Variants in NTNG1 observed in about 807,000 individuals in gnomAD.
The protein encoded by NTNG1 is netrin G1, also known as netrin-G1.
NTNG1 carries 16 observed loss-of-function variants against 54.0 expected under a neutral mutation model. The observed-to-expected ratio is 0.30, with a 90% confidence interval of 0.20 to 0.45. The LOEUF is 0.45. Ranked by LOEUF, NTNG1 falls within the 20% of genes least tolerant of loss-of-function variation. The pLI is 1.00. For synonymous variants in NTNG1, 255 were observed against 263.1 expected, an observed-to-expected ratio of 0.97 and a Z score of 0.30; for missense variants, 530 against 678.7, an observed-to-expected ratio of 0.78 and a Z score of 2.43.
intron 7 of NTNG1, among the ~76,000 whole-genome samples, chr1:107,439,848 A>T (rs1444057299): frequency 6.6e-6 from 1 of 151,922 alleles, no homozygotes; most frequent in Admixed American, 6.6e-5. Context: ...CATTCTGATT[A>T]GTTGGTGCTG....
intron 7 of NTNG1, among the ~76,000 whole-genome samples, chr1:107,466,263 G>T (rs564727528): frequency 6.6e-6 from 1 of 152,280 alleles, no homozygotes; most frequent in African/African-American, 2.4e-5. Flanking sequence ...ATTTAATTTA[G>T]GGGATATAAA....
In NTNG1 at chr1:107,320,562, C is replaced by T. The variant is rs186841082; in HGVS notation, c.247-3720C>T. On this transcript the variant is annotated intron_variant, in intron 2 of 7. Coordinates refer to ENST00000370068, the MANE Select transcript of NTNG1 (RefSeq NM_001113226.3). ...TCTGTAATAACAGTATTACAGATCA[C>T]GCCCTGTGAAATATTTACACTAAAT... Among the ~76,000 whole-genome samples, 270 of 151,890 alleles carry T rather than the reference C, an allele frequency of 1.8e-3. 1 individual carries two copies. The highest frequency in any genetic ancestry group is 6.3e-3 in the African/African-American group (259 of 41,432).
At chr1:107,174,951 A>G (rs535685620) in intron 2 of NTNG1, among the ~76,000 whole-genome samples, 2 of 152,122 alleles carry the variant, frequency 1.3e-5, no homozygotes, top group Non-Finnish European at 2.9e-5. Context: ...CTGACTTACC[A>G]TGGTTTTCGT....
chr1:107,367,860 C>G (rs1437394420), intron 3 of NTNG1, among the ~76,000 whole-genome samples: 1 of 152,080 alleles, frequency 6.6e-6, no homozygotes, highest in Non-Finnish European at 1.5e-5. Flanking sequence ...CTCCCTGGTT[C>G]AAGCGATTCT....
intron 7 of NTNG1, among the ~76,000 whole-genome samples, chr1:107,463,519 T>C (rs1273372795): frequency 6.6e-6 from 1 of 152,068 alleles, no homozygotes; most frequent in Non-Finnish European, 1.5e-5. Flanking sequence ...CACAATTTCA[T>C]TCCATAATAA....
chr1:107,293,807 G>A (rs1665775793), intron 2 of NTNG1, among the ~76,000 whole-genome samples: 1 of 152,138 alleles, frequency 6.6e-6, no homozygotes, highest in Non-Finnish European at 1.5e-5. Context: ...TCTATAAAAG[G>A]ATGGCTATAA....
At chr1:107,308,836 A>T (rs1012011926) in intron 2 of NTNG1, among the ~76,000 whole-genome samples, 16 of 151,886 alleles carry the variant, frequency 1.1e-4, no homozygotes, top group Admixed American at 2.6e-4. Context: ...CATTGTTGAG[A>T]TCCTTCACCT....
intron 3 of NTNG1, among the ~76,000 whole-genome samples, chr1:107,341,973 T>C (rs1668923285): frequency 6.6e-6 from 1 of 151,872 alleles, no homozygotes; most frequent in Non-Finnish European, 1.5e-5. Context: ...AGGAAAAAAA[T>C]ATGTGAGTGC....
At chr1:107,224,943 T>C (rs1187474626) in intron 2 of NTNG1, among the ~76,000 whole-genome samples, 1 of 152,170 alleles carries the variant, frequency 6.6e-6, no homozygotes, top group Non-Finnish European at 1.5e-5. Flanking sequence ...TGTATAAAAG[T>C]CACTTCCTTT....
intron 2 of NTNG1, among the ~76,000 whole-genome samples, chr1:107,285,134 T>C (rs17508691): frequency 6.6e-6 from 1 of 152,098 alleles, no homozygotes; most frequent in African/African-American, 2.4e-5. Context: ...TAAACTCAGA[T>C]ACAACTTTGC....
At chr1:107,202,506 T>G (rs1658834447) in intron 2 of NTNG1, among the ~76,000 whole-genome samples, 2 of 151,822 alleles carry the variant, frequency 1.3e-5, no homozygotes, top group Non-Finnish European at 3.0e-5. Flanking sequence ...TTTACCTTGT[T>G]TTCTAAGACC....
chr1:107,288,227 A>T (rs1244445733), intron 2 of NTNG1, among the ~76,000 whole-genome samples: 1 of 152,178 alleles, frequency 6.6e-6, no homozygotes, highest in African/African-American at 2.4e-5. Context: ...TGATTTCAAA[A>T]ATGTGAACAT....
Position 107,481,444 on chromosome 1 carries a change from C to G in NTNG1, c.*604C>G, listed in dbSNP as rs914900579. On this transcript the variant is annotated 3_prime_UTR_variant, in exon 8 of 8. Transcript: ENST00000370068. ...CTCTAAAAGCGCAAGCCAGTCATAC[C>G]CCTGTATATCTTAGCAGCACTGAGT... 6.5e-6 allele frequency: 1 copy of G among 152,944 alleles called. No individual in the cohort carries two copies. The highest frequency in any genetic ancestry group is 2.4e-5 in the African/African-American group (1 of 41,428). 9.5% of individuals were successfully genotyped at this position (152,944 alleles called of 1,614,324 possible).
At chr1:107,159,824 T>A (rs760918102) in intron 2 of NTNG1, among the ~76,000 whole-genome samples, 19 of 152,342 alleles carry the variant, frequency 1.2e-4, no homozygotes, top group Non-Finnish European at 2.1e-4. Flanking sequence ...AAATACATAT[T>A]ACGTGATGAG....
At position 107,482,346 on chromosome 1, in the gene NTNG1, T is replaced by G. The variant is rs1006950918; in HGVS notation, c.*1506T>G. On this transcript the variant is annotated 3_prime_UTR_variant, in exon 8 of 8. Transcript: ENST00000370068. ...AGTATTTAGAGGAAATATCAAAATA[T>G]AAAGCAGCAAGTAGACATAACTGCT... The G allele has an allele frequency of 1.3e-5, 2 of 152,232 alleles. No homozygotes were observed. Among genetic ancestry groups the G allele is most frequent in the Non-Finnish European group, 2.9e-5 (2 of 68,042 alleles). The allele number at this position is 152,232 out of a possible 1,614,324, so 9.4% of individuals were successfully genotyped here. A position where few individuals can be genotyped will look rare whatever the true frequency, so the allele number is the denominator to read the frequency against.
intron 2 of NTNG1, among the ~76,000 whole-genome samples, chr1:107,235,017 A>G (rs1414316214): frequency 6.6e-6 from 1 of 152,224 alleles, no homozygotes; most frequent in East Asian, 1.9e-4. Flanking sequence ...GACCCAATGT[A>G]ATGCAATGTC....
At chr1:107,174,544 C>A (rs1316744912) in intron 2 of NTNG1, among the ~76,000 whole-genome samples, 1 of 151,914 alleles carries the variant, frequency 6.6e-6, no homozygotes, top group Non-Finnish European at 1.5e-5. Flanking sequence ...TGCTGCCCAC[C>A]AAGACTTCCA....
At chr1:107,392,633 G>A (rs952117495) in intron 3 of NTNG1, among the ~76,000 whole-genome samples, 3 of 152,034 alleles carry the variant, frequency 2.0e-5, no homozygotes, top group Admixed American at 6.6e-5. Context: ...TGACAAGGGA[G>A]GCTGTGGACA....
At chr1:107,445,208 T>C (rs942196982) in intron 7 of NTNG1, among the ~76,000 whole-genome samples, 1 of 152,060 alleles carries the variant, frequency 6.6e-6, no homozygotes, top group Non-Finnish European at 1.5e-5. Context: ...AAGCCTTAGA[T>C]TTGGAGTCGG....
Sources: gnomAD v4.1 joint callset for allele counts (sites outside exome capture counted in the v4.1 genomes callset) on GRCh38, gnomAD v4.1.1 for gene constraint, MANE v1.5 for transcripts, NCBI Gene and HGNC (gene_info 2026-07-23, HGNC 2026-07-21) for gene names.